PPP2R3A: variants seen among roughly 807,000 people sequenced by gnomAD.
PPP2R3A encodes protein phosphatase 2 regulatory subunit B''alpha.
PPP2R3A carries 80 observed loss-of-function variants against 106.9 expected under a neutral mutation model. The ratio of observed to expected loss-of-function variants is 0.75; its 90% CI spans 0.62 to 0.90. PPP2R3A has a LOEUF of 0.90. PPP2R3A is among the 40% of genes least tolerant of loss of function. The pLI is 0.00. For synonymous variants in PPP2R3A, 483 were observed against 468.3 expected, an observed-to-expected ratio of 1.03 and a Z score of -0.41; for missense variants, 1,386 against 1,350.4, an observed-to-expected ratio of 1.03 and a Z score of -0.41.
chr3:136,081,134 A>C (rs1251423232), intron 7 of PPP2R3A, among the ~76,000 whole-genome samples: 1 of 151,976 alleles, frequency 6.6e-6, no homozygotes, highest in Non-Finnish European at 1.5e-5. Flanking sequence ...CTGGGATTAC[A>C]GGCGCCTGCC....
At chr3:136,051,496 A>C (rs1223259234) in intron 5 of PPP2R3A, among the ~76,000 whole-genome samples, 1 of 151,722 alleles carries the variant, frequency 6.6e-6, no homozygotes, top group Admixed American at 6.6e-5. Context: ...CACCCGGGTA[A>C]TTTTTGTGTT....
chr3:136,026,698 A>G (rs573177661), intron 2 of PPP2R3A, 134 bp from the exon 3 acceptor site: 2 of 711,592 alleles, frequency 2.8e-6, no homozygotes, highest in South Asian at 4.7e-5. Context: ...AAACATGCTT[A>G]CCACCTTTAA....
At chr3:136,139,212 T>C (rs2108031905) in intron 13 of PPP2R3A, among the ~76,000 whole-genome samples, 1 of 152,308 alleles carries the variant, frequency 6.6e-6, no homozygotes, top group South Asian at 2.1e-4. Context: ...CCAGTCATTA[T>C]CTCTGCTCAT....
chr3:136,029,510 T>G (rs571105353), intron 3 of PPP2R3A, among the ~76,000 whole-genome samples: 1 of 152,106 alleles, frequency 6.6e-6, no homozygotes, highest in South Asian at 2.1e-4. Flanking sequence ...AAGAATATAG[T>G]CAAGGCAGGA....
chr3:136,018,972 A>G (rs369770223), intron 2 of PPP2R3A, among the ~76,000 whole-genome samples: 29 of 152,318 alleles, frequency 1.9e-4, no homozygotes, highest in African/African-American at 5.5e-4. Context: ...CTGGATCTCA[A>G]ATTAACAACT....
intron 11 of PPP2R3A, among the ~76,000 whole-genome samples, chr3:136,102,807 A>G (rs974159790): frequency 6.6e-6 from 1 of 152,200 alleles, no homozygotes; most frequent in Non-Finnish European, 1.5e-5. Context: ...CCTAGGCAAC[A>G]CAGCGAGACT....
At chr3:136,052,335 C>G (rs1935712181) in intron 5 of PPP2R3A, among the ~76,000 whole-genome samples, 1 of 152,088 alleles carries the variant, frequency 6.6e-6, no homozygotes, top group Non-Finnish European at 1.5e-5. Context: ...GCATTTCTTC[C>G]CTGCTCTCTG....
At chr3:136,030,778 A>ATATATATATATATATATGTATGTATG (rs1206335696) in intron 3 of PPP2R3A, among the ~76,000 whole-genome samples, 6 of 111,306 alleles carry the variant, frequency 5.4e-5, no homozygotes, top group African/African-American at 6.7e-5. Flanking sequence ...ATATATATAT[A>ATATATATATATATATATGTATGTATG]TATGTATGTA....
Position 136,034,836 on chromosome 3 carries a change from T to C in PPP2R3A, c.2263-6023T>C, listed in dbSNP as rs377470577. ...AGTGGAGTACTGAAGTCCCCCACTC[T>C]TGTTGTGTTAAACTGTCTGTCTCAT... On this transcript the variant is annotated intron_variant, in intron 3 of 13. Transcript: ENST00000264977. 3.3e-5 allele frequency among the ~76,000 whole-genome samples: 5 copies of C among 152,024 alleles called. No homozygotes were observed. In the East Asian group the frequency reaches 7.7e-4, roughly 23 times the overall value.
At chr3:136,027,374 T>C (rs1934706090) in intron 3 of PPP2R3A, among the ~76,000 whole-genome samples, 1 of 152,154 alleles carries the variant, frequency 6.6e-6, no homozygotes, top group Admixed American at 6.5e-5. Context: ...CAGCCTGGCC[T>C]ATTGTCAAAT....
chr3:136,006,477 CAG>C (rs1933847858), intron 2 of PPP2R3A, among the ~76,000 whole-genome samples: 1 of 152,100 alleles, frequency 6.6e-6, no homozygotes, highest in Non-Finnish European at 1.5e-5. Flanking sequence ...CTTTATGGGT[CAG>C]AGTCTCTGTC....
intron 1 of PPP2R3A, among the ~76,000 whole-genome samples, chr3:135,981,105 A>C (rs1937534325): frequency 6.6e-6 from 1 of 151,936 alleles, no homozygotes; most frequent in African/African-American, 2.4e-5. Context: ...TAAGCTCTTT[A>C]AGTTTGGTGA....
At chr3:136,089,961 T>A (rs1228378739) in intron 9 of PPP2R3A, among the ~76,000 whole-genome samples, 1 of 152,346 alleles carries the variant, frequency 6.6e-6, no homozygotes, top group Admixed American at 6.5e-5. Context: ...TGATTTTGTA[T>A]CCCGAAACTT....
chr3:136,029,472 C>G (rs910040871), intron 3 of PPP2R3A, among the ~76,000 whole-genome samples: 2 of 152,152 alleles, frequency 1.3e-5, no homozygotes, highest in South Asian at 4.1e-4. Context: ...AGCCTAAAGA[C>G]TCCACAGTGC....
chr3:136,055,684 G>A, intron 5 of PPP2R3A: 2 of 974,852 alleles, frequency 2.1e-6, no homozygotes, highest in Non-Finnish European at 3.2e-6. Context: ...TACTAACTGT[G>A]GTTTGCACCC....
At chr3:136,106,367 C>T (rs772990252) in intron 13 of PPP2R3A, 45 bp downstream of exon 13, 28 of 1,511,536 alleles carry the variant, frequency 1.9e-5, no homozygotes, top group South Asian at 3.4e-5. Context: ...AACAGGAATG[C>T]GCATGTCCAG....
intron 13 of PPP2R3A, among the ~76,000 whole-genome samples, chr3:136,113,212 A>G (rs149330673): frequency 6.6e-6 from 1 of 151,818 alleles, no homozygotes; most frequent in South Asian, 2.1e-4. Flanking sequence ...TACCCAATTC[A>G]AACTATACTA....
chr3:136,095,095 A>G (rs775230241), intron 10 of PPP2R3A, among the ~76,000 whole-genome samples: 1 of 152,008 alleles, frequency 6.6e-6, no homozygotes, highest in Admixed American at 6.5e-5. Flanking sequence ...GGATACCATA[A>G]TTCTTCACTG....
At chr3:136,066,572 C>T (rs538070723) in intron 5 of PPP2R3A, among the ~76,000 whole-genome samples, 8 of 152,182 alleles carry the variant, frequency 5.3e-5, no homozygotes, top group African/African-American at 9.6e-5. Flanking sequence ...ACAGGAAGTA[C>T]GGTGCTGGCA....
Sources: gnomAD v4.1 joint callset for allele counts (sites outside exome capture counted in the v4.1 genomes callset) on GRCh38, gnomAD v4.1.1 for gene constraint, MANE v1.5 for transcripts, NCBI Gene and HGNC (gene_info 2026-07-23, HGNC 2026-07-21) for gene names.